Variants in COL27A1 observed in about 807,000 individuals in gnomAD.
COL27A1 encodes collagen alpha-1(XXVII) chain.
In COL27A1, 106 loss-of-function variants were observed where a neutral mutation model predicts 251.3. The ratio of observed to expected loss-of-function variants is 0.42; its 90% CI spans 0.36 to 0.50. The LOEUF is 0.50. COL27A1 is among the 20% of genes least tolerant of loss of function. The probability of loss-of-function intolerance (pLI) is 0.00; values close to 1 mark genes in which losing one functional copy is unlikely to be tolerated. For synonymous variants in COL27A1, 1,000 were observed against 986.3 expected (o/e 1.01, Z -0.26); for missense variants, 2,325 against 2,522.8 (o/e 0.92, Z 1.68).
chr9:114,176,922 A>G (rs1462562929), intron 3 of COL27A1, among the ~76,000 whole-genome samples: 2 of 152,178 alleles, frequency 1.3e-5, no homozygotes, highest in African/African-American at 4.8e-5. Context: ...TGGATTAATT[A>G]CCAGCCAAAC....
intron 27 of COL27A1, among the ~76,000 whole-genome samples, chr9:114,255,773 G>A (rs1833876560): frequency 6.6e-6 from 1 of 152,160 alleles, no homozygotes; most frequent in Non-Finnish European, 1.5e-5. Flanking sequence ...GTTCCTCCTG[G>A]CCAGCGACAC....
chr9:114,175,427 C>T (rs1827344706), intron 3 of COL27A1, among the ~76,000 whole-genome samples: 1 of 152,242 alleles, frequency 6.6e-6, no homozygotes, highest in African/African-American at 2.4e-5. Context: ...GGAGAGGGGC[C>T]AGGGGGCACC....
chr9:114,300,227 C>T (rs956298628), intron 50 of COL27A1, 104 bp downstream of exon 50: 1 of 1,247,768 alleles, frequency 8.0e-7, no homozygotes, highest in South Asian at 1.3e-5. Context: ...AAAACATTGG[C>T]TGGAAAACAG....
Position 114,206,266 on chromosome 9 carries a change from G to A in COL27A1, c.2238G>A (p.Pro746=), listed in dbSNP as rs771500139. ...TTGTGTTTCAGGGGTTACCTGGACCGGTAGGAGATCCCGGCCCCAAAGGCA... is the reference window on the plus strand; with the variant it reads ...TTGTGTTTCAGGGGTTACCTGGACCAGTAGGAGATCCCGGCCCCAAAGGCA... ...GYPGRQGLPG[P]VGDPGPKGSR... is the part of the protein sequence containing the mutation. The change falls in exon 10 of 61, where the codon CCG becomes CCA. Residue 746 remains proline (P), a synonymous_variant. Transcript: ENST00000356083. 10 of 1,614,014 alleles carry A rather than the reference G, an allele frequency of 6.2e-6. No homozygotes were observed. Among genetic ancestry groups the A allele is most frequent in the East Asian group, 4.5e-5 (2 of 44,882 alleles).
intron 3 of COL27A1, among the ~76,000 whole-genome samples, chr9:114,174,263 G>A (rs952894536): frequency 2.6e-5 from 4 of 151,998 alleles, no homozygotes; most frequent in Non-Finnish European, 4.4e-5. Context: ...GACTATTTAC[G>A]GAGGGGTGGA....
intron 50 of COL27A1, 189 bp downstream of exon 50, chr9:114,300,312 C>T: frequency 1.6e-6 from 1 of 631,636 alleles, no homozygotes; most frequent in Non-Finnish European, 2.8e-6. Context: ...TACACAATTA[C>T]CTGCTCTGTG....
chr9:114,257,512 G>A (rs2081555723), intron 27 of COL27A1, among the ~76,000 whole-genome samples: 1 of 152,068 alleles, frequency 6.6e-6, no homozygotes, highest in African/African-American at 2.4e-5. Context: ...CCTGTGCCAG[G>A]CCAGGTGCCG....
intron 13 of COL27A1, among the ~76,000 whole-genome samples, chr9:114,221,017 C>G (rs917648727): frequency 2.1e-5 from 3 of 145,346 alleles, no homozygotes; most frequent in African/African-American, 7.5e-5. Context: ...AAAAAAGAAG[C>G]CGTTGTGAGA....
At chr9:114,267,037 A>G (rs995015851) in intron 33 of COL27A1, among the ~76,000 whole-genome samples, 1 of 152,160 alleles carries the variant, frequency 6.6e-6, no homozygotes, top group African/African-American at 2.4e-5. Context: ...ATCCAGAGGG[A>G]AAAACCAAGC....
chr9:114,261,728 T>C (rs1162724474), intron 28 of COL27A1, among the ~76,000 whole-genome samples: 1 of 151,886 alleles, frequency 6.6e-6, no homozygotes, highest in Non-Finnish European at 1.5e-5. Flanking sequence ...GGGAGCTCAC[T>C]CCATTTCTGA....
intron 35 of COL27A1, 82 bp from the exon 36 acceptor site, chr9:114,270,646 C>T (rs1431175565): frequency 1.8e-6 from 2 of 1,129,266 alleles, no homozygotes; most frequent in Non-Finnish European, 2.6e-6. Context: ...GGTCCTGCCC[C>T]AGGGAGGGGG....
intron 59 of COL27A1, 93 bp from the exon 60 acceptor site, chr9:114,309,167 T>C: frequency 2.0e-6 from 2 of 1,002,788 alleles, no homozygotes; most frequent in South Asian, 2.6e-5. Flanking sequence ...GGAAGGGGCC[T>C]ATCCCTGTTC....
rs1301984307 is a variant in COL27A1 at position 114,205,079 on chromosome 9, G to T, written c.2125-23G>T. 4 of 1,613,298 alleles carry T rather than the reference G, an allele frequency of 2.5e-6. No homozygotes were observed. In the Admixed American group the frequency reaches 5.0e-5, roughly 20 times the overall value. The stretch of plus-strand genomic sequence containing the variant: ...ACCAGATGTGTCCTCCCTGCCTGAT[G>T]CAGCTTCTTCCCCCTCCAACAGGGA... On this transcript the variant is annotated intron_variant, in intron 7 of 60. Transcript: ENST00000356083.
chr9:114,277,025 A>G (rs1357258252), intron 37 of COL27A1, among the ~76,000 whole-genome samples: 1 of 152,198 alleles, frequency 6.6e-6, no homozygotes, highest in African/African-American at 2.4e-5. Flanking sequence ...GCATGACTCT[A>G]CGCATACTGC....
chr9:114,246,173 G>T lies in COL27A1; in HGVS notation c.2979+263G>T, dbSNP rs1031176510. 8.3e-5 allele frequency: 35 copies of T among 421,270 alleles called. 1 individual carries two copies. Among genetic ancestry groups the T allele is most frequent in the African/African-American group, 7.1e-4 (34 of 47,704 alleles). The allele number at this position is 421,270 out of a possible 1,614,324, so 26.1% of individuals were successfully genotyped here. A position where few individuals can be genotyped will look rare whatever the true frequency, so the allele number is the denominator to read the frequency against. ...CTACACACAGGTTTTTGGTGCATTT[G>T]CCCAAAGAGGTTATGTGACTGCTCC... On this transcript the variant is annotated intron_variant, in intron 24 of 60. Coordinates refer to ENST00000356083, the MANE Select transcript of COL27A1 (RefSeq NM_032888.4).
At chr9:114,175,915 C>T (rs1028307618) in intron 3 of COL27A1, among the ~76,000 whole-genome samples, 4 of 152,240 alleles carry the variant, frequency 2.6e-5, no homozygotes, top group African/African-American at 9.6e-5. Context: ...CCTTGGCTTT[C>T]CGCAACTCAG....
intron 1 of COL27A1, among the ~76,000 whole-genome samples, chr9:114,156,767 G>A (rs1848148193): frequency 6.6e-6 from 1 of 152,158 alleles, no homozygotes; most frequent in South Asian, 2.1e-4. Flanking sequence ...GGGGCCCAGA[G>A]GCTGGGATTC....
intron 45 of COL27A1, 64 bp from the exon 46 acceptor site, chr9:114,289,994 C>T (rs1588880305): frequency 6.4e-7 from 1 of 1,563,640 alleles, no homozygotes; most frequent in East Asian, 2.2e-5. Flanking sequence ...TCCCTCCTTC[C>T]AGAGCCCCTA....
At chr9:114,247,661 T>G (rs72762641) in intron 24 of COL27A1, among the ~76,000 whole-genome samples, 7,316 of 152,284 alleles carry the variant, frequency 0.048, 223 homozygotes, top group Non-Finnish European at 0.071. Context: ...CCCAGGCAGC[T>G]TGGACAGTAG....
Sources: allele counts gnomAD v4.1 joint callset (sites outside exome capture counted in the v4.1 genomes callset), GRCh38; gene constraint gnomAD v4.1.1; transcripts MANE v1.5; gene names NCBI Gene and HGNC (gene_info 2026-07-23, HGNC 2026-07-21).